The following DNAH5 variants were observed in gnomAD, a reference collection of about 807,000 sequenced individuals.
DNAH5 encodes axonemal beta dynein heavy chain 5.
DNAH5 carries 372 observed loss-of-function variants against 518.2 expected under a neutral mutation model. The observed-to-expected ratio is 0.72, with a 90% confidence interval of 0.66 to 0.78. The LOEUF is 0.78. Ranked by LOEUF, DNAH5 falls within the 30% of genes least tolerant of loss-of-function variation. The probability of loss-of-function intolerance (pLI) is 0.00; values close to 1 mark genes in which losing one functional copy is unlikely to be tolerated. For synonymous variants in DNAH5, 2,039 were observed against 2,025.9 expected (o/e 1.01, Z -0.17); for missense variants, 5,523 against 5,687.0 (o/e 0.97, Z 0.93).
intron 1 of DNAH5, among the ~76,000 whole-genome samples, chr5:13,989,671 G>C (rs901780331): frequency 1.3e-5 from 2 of 152,000 alleles, no homozygotes; most frequent in African/African-American, 4.8e-5. Context: ...TTTTAGTAGA[G>C]ACGGGGTTTC....
intron 15 of DNAH5, among the ~76,000 whole-genome samples, chr5:13,896,264 T>C (rs575491551): frequency 1.3e-5 from 2 of 152,194 alleles, no homozygotes; most frequent in African/African-American, 4.8e-5. Flanking sequence ...GATAGATGCT[T>C]GTTCTAGAAA....
chr5:13,856,852 A>G (rs4447986), intron 30 of DNAH5, among the ~76,000 whole-genome samples: 66,577 of 151,588 alleles, frequency 0.44, 14,759 homozygotes, highest in South Asian at 0.5. Flanking sequence ...AGTATTGATG[A>G]AACACAACTC....
chr5:13,993,070 A>C (rs908913271), intron 1 of DNAH5, among the ~76,000 whole-genome samples: 3 of 152,354 alleles, frequency 2.0e-5, no homozygotes, highest in African/African-American at 7.2e-5. Flanking sequence ...GGGCAATGGA[A>C]AGTCATAGAC....
Position 13,919,291 on chromosome 5 carries a change from A to T in DNAH5, c.860T>A (p.Leu287Gln), listed in dbSNP as rs1177184350. 4.3e-6 allele frequency: 7 copies of T among 1,614,052 alleles called. No homozygotes were observed. The highest frequency in any genetic ancestry group is 5.1e-6 in the Non-Finnish European group (6 of 1,180,018). ...GGAGAGTCTTTTTTTCCAGTGCTCC[A>T]GCTCCGCTCGTGGCCCAACGTCATC... ...EADDVGPRAE[L>Q]EHWKKRLSKF... The change falls in exon 7 of 79, where the codon CTG becomes CAG. Residue 287 changes from leucine (L) to glutamine (Q), a missense_variant. Leu to Gln is a moderately radical substitution (Grantham distance 113). This residue lies in a region of DNAH5 where 5,121 missense variants were observed against 5,223.3 expected (regional missense o/e 0.98). Coordinates refer to ENST00000265104, the MANE Select transcript of DNAH5 (RefSeq NM_001369.3).
chr5:13,987,590 C>T (rs1220690361), intron 1 of DNAH5, among the ~76,000 whole-genome samples: 2 of 152,184 alleles, frequency 1.3e-5, no homozygotes, highest in Non-Finnish European at 2.9e-5. Context: ...CAGTGGCTCA[C>T]GCCTGTAATC....
chr5:13,929,999 G>A (rs989306906), intron 2 of DNAH5, among the ~76,000 whole-genome samples: 1 of 152,174 alleles, frequency 6.6e-6, no homozygotes, highest in Admixed American at 6.5e-5. Context: ...AGTCATAGAT[G>A]AAAGAGACTG....
chr5:13,706,374 A>G (rs1443272684), intron 76 of DNAH5, among the ~76,000 whole-genome samples: 1 of 152,204 alleles, frequency 6.6e-6, no homozygotes, highest in East Asian at 1.9e-4. Context: ...CTGTCAGGTC[A>G]GCCCTGCTTG....
chr5:13,940,916 T>C (rs2152024494), intron 1 of DNAH5, among the ~76,000 whole-genome samples: 1 of 152,358 alleles, frequency 6.6e-6, no homozygotes, highest in Middle Eastern at 3.4e-3. Context: ...CAGCACTTAG[T>C]ACAAAGTAGG....
intron 44 of DNAH5, among the ~76,000 whole-genome samples, chr5:13,811,145 G>A (rs1760639649): frequency 6.6e-6 from 1 of 152,150 alleles, no homozygotes; most frequent in South Asian, 2.1e-4. Flanking sequence ...CACAGTGATT[G>A]CAGTCAGCAA....
chr5:13,788,687 G>A (rs756690498), intron 51 of DNAH5, 29 bp downstream of exon 51: 6 of 1,591,432 alleles, frequency 3.8e-6, no homozygotes, highest in Non-Finnish European at 4.3e-6. Flanking sequence ...ACCTTTTGGG[G>A]AATTCCAAAT....
intron 29 of DNAH5, among the ~76,000 whole-genome samples, chr5:13,861,952 C>CAAAAAAAAAAA: frequency 2.0e-5 from 1 of 49,514 alleles, no homozygotes; most frequent in Non-Finnish European, 3.3e-5. Flanking sequence ...GATTCCATCT[C>CAAAAAAAAAAA]AAAAAAAAAA....
intron 15 of DNAH5, among the ~76,000 whole-genome samples, chr5:13,896,026 A>C (rs13173502): frequency 1.3e-5 from 2 of 151,774 alleles, no homozygotes; most frequent in Non-Finnish European, 1.5e-5. Flanking sequence ...GGGAGACAAC[A>C]GTAGATCATC....
At chr5:13,997,735 G>A (rs186084309) in intron 1 of DNAH5, among the ~76,000 whole-genome samples, 1 of 152,254 alleles carries the variant, frequency 6.6e-6, no homozygotes, top group East Asian at 1.9e-4. Context: ...ATTTGTTACA[G>A]CAGCACCCCA....
chr5:13,720,101 G>T (rs115601729), intron 71 of DNAH5, among the ~76,000 whole-genome samples: 2 of 123,686 alleles, frequency 1.6e-5, no homozygotes. Context: ...CTTTCAAAAA[G>T]AAAAAACACC....
At chr5:13,982,260 T>C (rs890594965) in intron 1 of DNAH5, among the ~76,000 whole-genome samples, 2 of 152,412 alleles carry the variant, frequency 1.3e-5, no homozygotes, top group Non-Finnish European at 2.9e-5. Flanking sequence ...TACACCCTCA[T>C]GCCCAAGTTA....
At chr5:13,858,912 A>G (rs1436619904) in intron 30 of DNAH5, among the ~76,000 whole-genome samples, 3 of 152,206 alleles carry the variant, frequency 2.0e-5, no homozygotes, top group Non-Finnish European at 4.4e-5. Context: ...ATCTCAAAAT[A>G]TACTCCATAT....
chr5:13,810,148 C>A lies in DNAH5; in HGVS notation c.7520G>T (p.Trp2507Leu). 2.6e-6 allele frequency: 4 copies of A among 1,548,858 alleles called. No individual in the cohort carries two copies. Among genetic ancestry groups the A allele is most frequent in the Non-Finnish European group, 3.5e-6 (4 of 1,145,920 alleles). Residue 2507 changes from tryptophan to leucine, a missense_variant, in exon 45 of 79, where the codon TGG (tryptophan) becomes TTG (leucine). Around this residue, in one of 3 missense-constraint regions of DNAH5, gnomAD observed 5,121 missense variants for 5,223.3 expected, o/e 0.98. Transcript: ENST00000265104. ...CGTCCCTGTGGGCCGAGAGCGCAGC[C>A]AGAGCTCCAGGCGGCGCCGTCCGTC... ...ELDGRRRLEL[W>L]LRSRPTGTLE...
intron 58 of DNAH5, among the ~76,000 whole-genome samples, chr5:13,768,582 C>T (rs6869474): frequency 0.28 from 42,952 of 152,046 alleles, 6,495 homozygotes; most frequent in South Asian, 0.42. Context: ...AGACAGAAAA[C>T]GTCGTATCTT....
At chr5:13,732,927 T>A (rs1317479223) in intron 68 of DNAH5, among the ~76,000 whole-genome samples, 1 of 152,188 alleles carries the variant, frequency 6.6e-6, no homozygotes, top group Admixed American at 6.5e-5. Context: ...AAGGGCAGAT[T>A]TGCAACATAA....
Sources: gnomAD v4.1 joint callset for allele counts (sites outside exome capture counted in the v4.1 genomes callset) on GRCh38, gnomAD v4.1.1 for gene constraint, gnomAD v4.1.1 regional missense constraint, MANE v1.5 for transcripts, NCBI Gene and HGNC (gene_info 2026-07-23, HGNC 2026-07-21) for gene names.